STX7: variants seen among roughly 807,000 people sequenced by gnomAD.
STX7 encodes syntaxin 7.
In STX7, 34 loss-of-function variants were observed where a neutral mutation model predicts 39.6. That is an observed-to-expected ratio of 0.86 (90% CI 0.65 to 1.14). The LOEUF (loss-of-function observed/expected upper bound fraction) is 1.14. Ranked by LOEUF, STX7 falls within the 50% of genes most tolerant of loss-of-function variation. The pLI is 0.00. For synonymous variants in STX7, 119 were observed against 99.1 expected, an observed-to-expected ratio of 1.20 and a Z score of -1.19; for missense variants, 284 against 310.4, an observed-to-expected ratio of 0.92 and a Z score of 0.64.
chr6:132,467,281 T>C (rs1336790692), intron 8 of STX7, among the ~76,000 whole-genome samples: 5 of 152,202 alleles, frequency 3.3e-5, no homozygotes, highest in Admixed American at 3.3e-4. Flanking sequence ...GTACTCGCTG[T>C]TCTCTCTGCC....
At chr6:132,500,365 A>G (rs1165598489) in intron 2 of STX7, among the ~76,000 whole-genome samples, 1 of 152,144 alleles carries the variant, frequency 6.6e-6, no homozygotes, top group Non-Finnish European at 1.5e-5. Context: ...CTTCAGCCAC[A>G]CTAGCTTTTT....
intron 2 of STX7, among the ~76,000 whole-genome samples, chr6:132,481,116 G>A (rs192840674): frequency 1.2e-4 from 18 of 152,272 alleles, no homozygotes; most frequent in Middle Eastern, 3.4e-3. Flanking sequence ...AGGAGTTCTC[G>A]TTGCATGAGG....
intron 3 of STX7, among the ~76,000 whole-genome samples, chr6:132,474,390 T>C (rs1038594474): frequency 6.6e-6 from 1 of 152,156 alleles, no homozygotes. Flanking sequence ...ATTTGGAGCA[T>C]TTTTACCATT....
chr6:132,506,421 C>T (rs1451035575), intron 1 of STX7, among the ~76,000 whole-genome samples: 1 of 151,962 alleles, frequency 6.6e-6, no homozygotes, highest in Non-Finnish European at 1.5e-5. Flanking sequence ...CAAATAACCC[C>T]ATTAAAAAGG....
intron 2 of STX7, among the ~76,000 whole-genome samples, chr6:132,480,324 T>A (rs927366099): frequency 6.6e-6 from 1 of 152,168 alleles, no homozygotes; most frequent in East Asian, 1.9e-4. Flanking sequence ...CTTGGGAAAC[T>A]GAAGGATCCT....
At chr6:132,499,112 T>C (rs1241268221) in intron 2 of STX7, among the ~76,000 whole-genome samples, 1 of 151,236 alleles carries the variant, frequency 6.6e-6, no homozygotes, top group Non-Finnish European at 1.5e-5. Context: ...GGATGAAATG[T>C]GAACTTGCTA....
chr6:132,484,921 G>A (rs78597070), intron 2 of STX7, among the ~76,000 whole-genome samples: 5,160 of 152,260 alleles, frequency 0.034, 283 homozygotes, highest in African/African-American at 0.12. Context: ...GGTAGGCACC[G>A]TGTACTGGAT....
intron 2 of STX7, among the ~76,000 whole-genome samples, chr6:132,487,175 G>A (rs1034170414): frequency 4.6e-5 from 7 of 152,154 alleles, no homozygotes; most frequent in Non-Finnish European, 7.3e-5. Flanking sequence ...GAGCTAGGCA[G>A]GTTACTGACT....
intron 1 of STX7, among the ~76,000 whole-genome samples, chr6:132,508,139 T>C (rs1256241528): frequency 3.9e-5 from 6 of 152,248 alleles, no homozygotes; most frequent in African/African-American, 9.6e-5. Flanking sequence ...TTCTTGCAGC[T>C]GCAGGACCAG....
chr6:132,453,892 C>G lies in STX7; in HGVS notation c.*6866G>C, dbSNP rs1185977103. 1.3e-5 allele frequency: 2 copies of G among 152,010 alleles called. No homozygotes were observed. Among genetic ancestry groups the G allele is most frequent in the East Asian group, 3.9e-4 (2 of 5,192 alleles). The allele number at this position is 152,010 out of a possible 1,614,324, so 9.4% of individuals were successfully genotyped here. ...GGCAATTTCTTAAAAACTAAACATT[C>G]AACTACTATATGACCCAACTACTAT... On this transcript the variant is annotated 3_prime_UTR_variant, in exon 10 of 10. Transcript: ENST00000367941.
chr6:132,507,302 CTTTATTGAGATATAA>C (rs1201254070), intron 1 of STX7, among the ~76,000 whole-genome samples: 18 of 152,142 alleles, frequency 1.2e-4, no homozygotes, highest in African/African-American at 4.1e-4. Context: ...AATAAAATGG[CTTTATTGAGATATAA>C]TTTATTGAGA....
chr6:132,469,477 T>A (rs528889587), intron 7 of STX7, among the ~76,000 whole-genome samples: 40 of 152,280 alleles, frequency 2.6e-4, no homozygotes, highest in Non-Finnish European at 4.7e-4. Flanking sequence ...AAGGACAATA[T>A]TATTTTTTTA....
chr6:132,482,657 G>A (rs1048761935), intron 2 of STX7, among the ~76,000 whole-genome samples: 1 of 152,182 alleles, frequency 6.6e-6, no homozygotes, highest in Non-Finnish European at 1.5e-5. Context: ...GAAAAAATAA[G>A]TGTGTCTAGA....
intron 2 of STX7, among the ~76,000 whole-genome samples, chr6:132,498,192 G>C (rs1409159531): frequency 6.6e-6 from 1 of 151,994 alleles, no homozygotes; most frequent in African/African-American, 2.4e-5. Context: ...CTGTAATAAA[G>C]TCATAGTTTG....
intron 7 of STX7, among the ~76,000 whole-genome samples, chr6:132,469,259 T>C (rs1305470838): frequency 1.3e-5 from 2 of 152,178 alleles, no homozygotes; most frequent in Admixed American, 6.5e-5. Flanking sequence ...ATAAAATTCT[T>C]TGAAGGCCTT....
chr6:132,509,519 T>A (rs537713305), intron 1 of STX7, among the ~76,000 whole-genome samples: 13 of 143,202 alleles, frequency 9.1e-5, no homozygotes, highest in South Asian at 8.8e-4. Context: ...TAACATAAAA[T>A]AAAAAAAGAC....
intron 1 of STX7, among the ~76,000 whole-genome samples, chr6:132,506,961 A>G (rs1216632364): frequency 2.0e-5 from 3 of 152,270 alleles, no homozygotes; most frequent in Non-Finnish European, 2.9e-5. Context: ...ATGCAATGGA[A>G]TACTATTCAA....
Position 132,471,528 on chromosome 6 carries a change from G to C in STX7, c.322C>G (p.Gln108Glu). ...TTSLTNFQKV[Q>E]RQAAEREKEF... ...TTCTCTCGCTCAGCAGCCTGCCTCTGGACCTTCTGGAAGTTTGTCAGTGAT... is the reference window on the plus strand; with the variant it reads ...TTCTCTCGCTCAGCAGCCTGCCTCTCGACCTTCTGGAAGTTTGTCAGTGAT... The change falls in exon 5 of 10, where the codon CAG (glutamine) becomes GAG (glutamate). Residue 108 changes from glutamine to glutamate, a missense_variant. Physicochemically the swap from Gln to Glu is conservative, Grantham distance 29 (BLOSUM62 2). Transcript: ENST00000367941. The C allele has an allele frequency of 6.2e-7, 1 of 1,613,992 alleles. No homozygotes were observed. The highest frequency in any genetic ancestry group is 2.2e-5 in the East Asian group (1 of 44,862).
intron 2 of STX7, among the ~76,000 whole-genome samples, chr6:132,487,716 T>C (rs961142501): frequency 6.6e-6 from 1 of 152,214 alleles, no homozygotes; most frequent in Non-Finnish European, 1.5e-5. Flanking sequence ...ACAGAATATA[T>C]GTAAATATGT....
Sources: allele counts gnomAD v4.1 joint callset (sites outside exome capture counted in the v4.1 genomes callset), GRCh38; gene constraint gnomAD v4.1.1; transcripts MANE v1.5; gene names NCBI Gene and HGNC (gene_info 2026-07-23, HGNC 2026-07-21).